The following PLCH1 variants were observed in gnomAD, a reference collection of about 807,000 sequenced individuals.
PLCH1 encodes 1-phosphatidylinositol 4,5-bisphosphate phosphodiesterase eta-1.
In PLCH1, 60 loss-of-function variants were observed where a neutral mutation model predicts 126.7. That is an observed-to-expected ratio of 0.47 (90% CI 0.38 to 0.59). The LOEUF is 0.59. PLCH1 is among the 20% of genes least tolerant of loss of function. PLCH1 has a pLI of 0.00. For missense variants in PLCH1, 1,723 were observed against 2,040.0 expected (o/e 0.84, Z 2.99); for synonymous variants, 719 against 734.9 (o/e 0.98, Z 0.35).
intron 21 of PLCH1, among the ~76,000 whole-genome samples, chr3:155,467,881 A>G (rs1490946128): frequency 1.3e-5 from 2 of 152,236 alleles, no homozygotes; most frequent in Non-Finnish European, 2.9e-5. Flanking sequence ...AGAAAAGGAC[A>G]TTAATGAGAA....
At chr3:155,556,212 G>C (rs1210211459) in intron 8 of PLCH1, among the ~76,000 whole-genome samples, 1 of 152,206 alleles carries the variant, frequency 6.6e-6, no homozygotes, top group Non-Finnish European at 1.5e-5. Flanking sequence ...AATTAGCTGT[G>C]TGTGGTGGCG....
chr3:155,717,160 G>T (rs1747579373), intron 1 of PLCH1, among the ~76,000 whole-genome samples: 1 of 152,262 alleles, frequency 6.6e-6, no homozygotes, highest in African/African-American at 2.4e-5. Flanking sequence ...GGTGCAAGAA[G>T]TGGGCTCCCA....
chr3:155,721,629 G>A (rs1747950903), intron 1 of PLCH1, among the ~76,000 whole-genome samples: 1 of 152,112 alleles, frequency 6.6e-6, no homozygotes, highest in Non-Finnish European at 1.5e-5. Context: ...GATTTTCTAG[G>A]TGTACAATCA....
rs1716046202 is a variant in PLCH1, at chr3:155,490,702, C to A, written c.2392+82G>T. 8 of 792,680 alleles carry A rather than the reference C, an allele frequency of 1.0e-5. No homozygotes were observed. In the South Asian group the frequency reaches 1.2e-4, roughly 12 times the overall value. 49.1% of individuals were successfully genotyped at this position (792,680 alleles called of 1,614,324 possible). On this transcript the variant is annotated intron_variant, in intron 19 of 22. Transcript: ENST00000460012. ...TTACGGATTTTAGAGATTTCTTGCT[C>A]TTCTACATAGACACTTTTTTTAGTG...
chr3:155,512,634 G>C (rs142014749), intron 12 of PLCH1, among the ~76,000 whole-genome samples: 1 of 152,170 alleles, frequency 6.6e-6, no homozygotes, highest in East Asian at 1.9e-4. Context: ...GTAAGAGCAC[G>C]GTACCAGGAA....
chr3:155,500,590 G>T, intron 14 of PLCH1, 113 bp downstream of exon 14: 1 of 701,548 alleles, frequency 1.4e-6, no homozygotes, highest in South Asian at 1.7e-5. Context: ...CGACAGCACA[G>T]AATACTTTCC....
At chr3:155,699,822 T>TCA (rs59082626) in intron 2 of PLCH1, among the ~76,000 whole-genome samples, 7,608 of 147,744 alleles carry the variant, frequency 0.051, 249 homozygotes, top group Middle Eastern at 0.099. Context: ...CTGTGACCAT[T>TCA]CACACACACA....
chr3:155,506,424 C>A (rs1490961562), intron 12 of PLCH1, among the ~76,000 whole-genome samples: 1 of 146,984 alleles, frequency 6.8e-6, no homozygotes, highest in African/African-American at 2.5e-5. Context: ...CATATGTATA[C>A]ATGTGCCATG....
chr3:155,679,182 T>C (rs140473310), intron 2 of PLCH1, among the ~76,000 whole-genome samples: 212 of 152,350 alleles, frequency 1.4e-3, no homozygotes, highest in African/African-American at 5.0e-3. Context: ...AAACAACAAA[T>C]AATTTTCAGT....
chr3:155,469,368 C>A (rs535458071), intron 21 of PLCH1, among the ~76,000 whole-genome samples: 4 of 152,000 alleles, frequency 2.6e-5, no homozygotes, highest in South Asian at 2.1e-4. Context: ...CTTTTCGGAC[C>A]GGCCTAAAAA....
intron 2 of PLCH1, among the ~76,000 whole-genome samples, chr3:155,598,825 G>A (rs990656787): frequency 1.1e-4 from 16 of 152,152 alleles, no homozygotes; most frequent in African/African-American, 3.6e-4. Flanking sequence ...TGGCACATCC[G>A]AAACACCAAA....
chr3:155,494,394 C>T lies in PLCH1; in HGVS notation c.2018G>A (p.Arg673His), dbSNP rs780609556. ...AGGGTTGAAGTTACTGGAATCAATGCGGTAGGCAGAGGGGTAAATCCTCGT... is the reference window on the plus strand; with the variant it reads ...AGGGTTGAAGTTACTGGAATCAATGTGGTAGGCAGAGGGGTAAATCCTCGT... Reference protein sequence around the residue: ...QLTRIYPSAYRIDSSNFNPLP... With the variant: ...QLTRIYPSAYHIDSSNFNPLP... Residue 673 changes from arginine to histidine, a missense_variant, in exon 16 of 23, where the codon CGC becomes CAC. This residue lies in a region of PLCH1 where 776 missense variants were observed against 1,062.9 expected (regional missense o/e 0.73). Coordinates refer to ENST00000460012, the MANE Select transcript of PLCH1 (RefSeq NM_014996.4). 19 of 1,613,898 alleles carry T rather than the reference C, an allele frequency of 1.2e-5. No individual in the cohort carries two copies. The highest frequency in any genetic ancestry group is 1.7e-5 in the Admixed American group (1 of 59,980).
chr3:155,700,795 AC>A (rs1407451552), intron 2 of PLCH1, among the ~76,000 whole-genome samples: 1 of 152,254 alleles, frequency 6.6e-6, no homozygotes, highest in Non-Finnish European at 1.5e-5. Flanking sequence ...AGCAGGAGAA[AC>A]AGCTGAAGGT....
intron 18 of PLCH1, among the ~76,000 whole-genome samples, chr3:155,491,409 T>A (rs985132427): frequency 6.6e-6 from 1 of 151,822 alleles, no homozygotes; most frequent in African/African-American, 2.4e-5. Flanking sequence ...GACTATAGGA[T>A]TGTGCACCAC....
At chr3:155,539,778 T>C (rs1723965981) in intron 10 of PLCH1, among the ~76,000 whole-genome samples, 1 of 152,146 alleles carries the variant, frequency 6.6e-6, no homozygotes, top group Admixed American at 6.5e-5. Flanking sequence ...TGCTCAAGGA[T>C]GGGTAGAATC....
At chr3:155,459,806 AG>A (rs1176894498) in intron 21 of PLCH1, among the ~76,000 whole-genome samples, 1 of 152,218 alleles carries the variant, frequency 6.6e-6, no homozygotes, top group Non-Finnish European at 1.5e-5. Flanking sequence ...GGGGCAGTGA[AG>A]GTGCCTTGTC....
chr3:155,692,839 C>T (rs1482865335), intron 2 of PLCH1, among the ~76,000 whole-genome samples: 1 of 152,026 alleles, frequency 6.6e-6, no homozygotes, highest in Non-Finnish European at 1.5e-5. Context: ...TCACTGCAAG[C>T]TCCGCCTTCC....
At chr3:155,724,963 C>T (rs990109893) in intron 1 of PLCH1, among the ~76,000 whole-genome samples, 3 of 152,066 alleles carry the variant, frequency 2.0e-5, no homozygotes, top group East Asian at 1.9e-4. Context: ...TCTTACTGTG[C>T]AGGCTTAGTA....
intron 6 of PLCH1, among the ~76,000 whole-genome samples, chr3:155,572,509 C>A (rs879653924): frequency 9.9e-5 from 15 of 152,098 alleles, no homozygotes; most frequent in African/African-American, 3.6e-4. Flanking sequence ...CTCTGATTTG[C>A]CTCTTTGTGG....
Sources: allele counts gnomAD v4.1 joint callset (sites outside exome capture counted in the v4.1 genomes callset), GRCh38; gene constraint gnomAD v4.1.1; regional missense constraint gnomAD v4.1.1; transcripts MANE v1.5; gene names NCBI Gene and HGNC (gene_info 2026-07-23, HGNC 2026-07-21).